The following MYO19 variants were observed in gnomAD, a reference collection of about 807,000 sequenced individuals.
MYO19 encodes unconventional myosin-XIX.
Under a neutral mutation model 129.2 loss-of-function variants are expected in MYO19, and 132 were observed. The ratio of observed to expected loss-of-function variants is 1.02; its 90% CI spans 0.89 to 1.18. The LOEUF (loss-of-function observed/expected upper bound fraction) is 1.18, where lower values mean the gene tolerates loss of function less well. MYO19 is among the 50% of genes most tolerant of loss of function. The pLI, the probability that MYO19 is intolerant of heterozygous loss-of-function variation, is 0.00. For synonymous variants in MYO19, 531 were observed against 477.2 expected (o/e 1.11, Z -1.47); for missense variants, 1,210 against 1,216.7 (o/e 0.99, Z 0.08).
upstream of MYO19, chr17:36,537,488 C>T: frequency 6.2e-7 from 1 of 1,614,160 alleles, no homozygotes; most frequent in Non-Finnish European, 8.5e-7. Flanking sequence ...ATCCAGCCAT[C>T]TCCTGTTTCC....
rs372063902 is a variant in MYO19 at position 36,528,148 on chromosome 17, C to A, written c.67G>T (p.Asp23Tyr). The A allele has an allele frequency of 2.5e-6, 4 of 1,611,602 alleles. No individual in the cohort carries two copies. Among genetic ancestry groups the A allele is most frequent in the Non-Finnish European group, 3.4e-6 (4 of 1,178,908 alleles). The change falls in exon 4 of 26, where the codon GAC becomes TAC. Residue 23 changes from aspartate to tyrosine, a missense_variant. Transcript: ENST00000614623. ...TCCCCACCCAGGAACTCCTGCAGGT[C>A]TTCTCTGAGGTACTCCCTGGCTTGG... ...DGQAREYLRE[D>Y]LQEFLGGEVL... is the part of the protein sequence containing the mutation.
upstream of MYO19, chr17:36,535,546 G>C (rs1313902132): frequency 6.6e-6 from 1 of 152,276 alleles, no homozygotes; most frequent in Non-Finnish European, 1.5e-5. Context: ...CAGTCCGGCT[G>C]CCCTTCCCAC....
rs1393485452 is a variant in MYO19 at position 36,513,737 on chromosome 17, G to A, written c.721-12C>T. 9 of 1,611,372 alleles carry A rather than the reference G, an allele frequency of 5.6e-6. No homozygotes were observed. Among genetic ancestry groups the A allele is most frequent in the East Asian group, 2.2e-5 (1 of 44,854 alleles). The stretch of plus-strand genomic sequence containing the variant: ...GCTCCTTTGCAAATCTGTGGAGAAG[G>A]GTAGGTGGGAGGCTGGGTAGGGGGT... On this transcript the variant is annotated splice_polypyrimidine_tract_variant and intron_variant, in intron 9 of 25. Coordinates refer to ENST00000614623, the MANE Select transcript of MYO19 (RefSeq NM_001163735.2).
intron 11 of MYO19, chr17:36,512,803 G>A: frequency 1.6e-6 from 2 of 1,281,872 alleles, no homozygotes; most frequent in Non-Finnish European, 2.0e-6. Context: ...AAGATGAGAG[G>A]AGGTAGTCAG....
upstream of MYO19, among the ~76,000 whole-genome samples, chr17:36,544,535 G>C (rs980972887): frequency 6.6e-6 from 1 of 152,190 alleles, no homozygotes; most frequent in Non-Finnish European, 1.5e-5. Context: ...CCCTGAGTCA[G>C]CCCCGAATCA....
upstream of MYO19, chr17:36,535,092 A>C (rs1359763621): frequency 6.6e-6 from 1 of 152,148 alleles, no homozygotes; most frequent in Non-Finnish European, 1.5e-5. Context: ...AATGAGGGTA[A>C]AGCGGCAGCT....
chr17:36,527,775 G>A, intron 4 of MYO19, 76 bp from the exon 5 acceptor site: 2 of 1,454,532 alleles, frequency 1.4e-6, no homozygotes, highest in South Asian at 1.4e-5. Flanking sequence ...ATCTACTTAA[G>A]TAACAGCCCT....
chr17:36,542,184 T>C (rs2074200784), intron 1 of MYO19: 1 of 152,164 alleles, frequency 6.6e-6, no homozygotes, highest in Non-Finnish European at 1.5e-5. Context: ...CAAACCCAAA[T>C]TAGGGAAAGT....
intron 3 of MYO19, among the ~76,000 whole-genome samples, chr17:36,530,823 G>C (rs1027381353): frequency 1.3e-5 from 2 of 152,122 alleles, no homozygotes; most frequent in Non-Finnish European, 2.9e-5. Context: ...GTTTTGCCAT[G>C]TTGGCCAGAC....
At chr17:36,523,748 T>C (rs1400215753) in intron 6 of MYO19, among the ~76,000 whole-genome samples, 2 of 152,182 alleles carry the variant, frequency 1.3e-5, no homozygotes, top group African/African-American at 4.8e-5. Flanking sequence ...AAATAAGGGT[T>C]AAATCCTCAT....
rs548639378 is a variant in MYO19, at chr17:36,522,992, C to T, written c.414+2236G>A. Reference sequence around the variant, plus strand: ...CTGCACTCCAGCCTGGGCAACAGAGCAAGACTCCGTCTCAAAAAAAAAAAC... The same window carrying T: ...CTGCACTCCAGCCTGGGCAACAGAGTAAGACTCCGTCTCAAAAAAAAAAAC... On this transcript the variant is annotated intron_variant, in intron 6 of 25. Coordinates refer to ENST00000614623, the MANE Select transcript of MYO19 (RefSeq NM_001163735.2). Among the ~76,000 whole-genome samples the T allele has an allele frequency of 2.5e-5, 3 of 119,444 alleles. No homozygotes were observed. In the East Asian group the frequency reaches 7.2e-4, roughly 29 times the overall value. 78.4% of individuals were successfully genotyped at this position (119,444 alleles called of 152,430 possible).
At position 36,496,119 on chromosome 17, in the gene MYO19, G is replaced by T; in HGVS notation, c.*132C>A. ...ACTGGGCACGGGGCTCTGGGTCGAA[G>T]GCTGGAGCCGTCACTGTTGTTCATG... is the stretch of plus-strand genomic sequence containing the variant. On this transcript the variant is annotated 3_prime_UTR_variant, in exon 26 of 26. Transcript: ENST00000614623. 7.8e-7 allele frequency: 1 copy of T among 1,283,542 alleles called. No individual in the cohort carries two copies. The highest frequency in any genetic ancestry group is 1.1e-6 in the Non-Finnish European group (1 of 916,680). The allele number at this position is 1,283,542 out of a possible 1,614,324, so 79.5% of individuals were successfully genotyped here. A position where few individuals can be genotyped will look rare whatever the true frequency, so the allele number is the denominator to read the frequency against.
chr17:36,527,826 C>A (rs918512994), intron 4 of MYO19, 127 bp from the exon 5 acceptor site: 1 of 1,169,802 alleles, frequency 8.5e-7, no homozygotes, highest in African/African-American at 1.5e-5. Context: ...CCCAGCAGCT[C>A]CCTGAAGAAA....
In MYO19 at chr17:36,503,181, C is replaced by T; in HGVS notation, c.1996G>A (p.Val666Ile). The T allele has an allele frequency of 6.2e-7, 1 of 1,614,026 alleles. No homozygotes were observed. The highest frequency in any genetic ancestry group is 1.1e-5 in the South Asian group (1 of 91,082). ...CTTCTTAGTAACTTGTATCGTTCTACAAAGTTTCGGTGAGAGACCCTGGAG... is the reference window on the plus strand; with the variant it reads ...CTTCTTAGTAACTTGTATCGTTCTATAAAGTTTCGGTGAGAGACCCTGGAG... The part of the protein sequence containing the change: ...FPIRVSHRNF[V>I]ERYKLLRRLH... The change falls in exon 21 of 26, where the codon GTA becomes ATA. Residue 666 changes from valine to isoleucine, a missense_variant. Transcript: ENST00000614623.
At chr17:36,529,486 C>G (rs908816008) in intron 3 of MYO19, among the ~76,000 whole-genome samples, 2 of 152,136 alleles carry the variant, frequency 1.3e-5, no homozygotes, top group African/African-American at 4.8e-5. Context: ...AGGTGAATTT[C>G]CAATGAGAAT....
chr17:36,532,666 C>A lies in MYO19; in HGVS notation c.-128G>T. The A allele has an allele frequency of 1.8e-6, 2 of 1,119,642 alleles. No individual in the cohort carries two copies. Among genetic ancestry groups the A allele is most frequent in the East Asian group, 2.6e-5 (1 of 38,856 alleles). The allele number at this position is 1,119,642 out of a possible 1,614,324, so 69.4% of individuals were successfully genotyped here. ...GGCTCAGTTCTGGAGGAATCTCAGA[C>A]AAGTCACTCCAGCGCCTGTGGCATG... On this transcript the variant is annotated 5_prime_UTR_variant, in exon 3 of 26. Coordinates refer to ENST00000614623, the MANE Select transcript of MYO19 (RefSeq NM_001163735.2).
At chr17:36,521,815 G>C (rs538399901) in intron 6 of MYO19, among the ~76,000 whole-genome samples, 1 of 151,852 alleles carries the variant, frequency 6.6e-6, no homozygotes, top group African/African-American at 2.4e-5. Flanking sequence ...GGTGGATCAC[G>C]AGGTCAAGAG....
chr17:36,519,645 A>C (rs890283854), intron 6 of MYO19, among the ~76,000 whole-genome samples: 1 of 151,976 alleles, frequency 6.6e-6, no homozygotes, highest in Non-Finnish European at 1.5e-5. Context: ...GAGACAAAAA[A>C]AAAAAAAAGA....
At chr17:36,524,278 CT>C (rs1490744006) in intron 6 of MYO19, among the ~76,000 whole-genome samples, 3 of 152,200 alleles carry the variant, frequency 2.0e-5, no homozygotes, top group East Asian at 1.9e-4. Context: ...TAAGTGCCCC[CT>C]GAAAGCTACA....
Sources: gnomAD v4.1 joint callset for allele counts (sites outside exome capture counted in the v4.1 genomes callset) on GRCh38, gnomAD v4.1.1 for gene constraint, MANE v1.5 for transcripts, NCBI Gene and HGNC (gene_info 2026-07-23, HGNC 2026-07-21) for gene names.